Variants in PAICS observed in about 807,000 individuals in gnomAD.
The protein encoded by PAICS is phosphoribosylaminoimidazole carboxylase and phosphoribosylaminoimidazolesuccinocarboxamide synthase.
In PAICS, 33 loss-of-function variants were observed where a neutral mutation model predicts 53.7. That is an observed-to-expected ratio of 0.61 (90% confidence interval 0.47 to 0.82). The LOEUF (loss-of-function observed/expected upper bound fraction) is 0.82. Ranked by LOEUF, PAICS falls within the 40% of genes least tolerant of loss-of-function variation. The pLI, the probability that PAICS is intolerant of heterozygous loss-of-function variation, is 0.00. For synonymous variants in PAICS, 141 were observed against 167.2 expected (o/e 0.84, Z 1.21); for missense variants, 394 against 494.1 (o/e 0.80, Z 1.92).
At chr4:56,434,166 A>G (rs1224766665), upstream of PAICS, among the ~76,000 whole-genome samples, 1 of 152,246 alleles carries the variant, frequency 6.6e-6, no homozygotes, top group Non-Finnish European at 1.5e-5. Context: ...AGTTAAAAAT[A>G]TTCTTTTTGA....
At chr4:56,427,325 T>C in the PAICS span, among the ~76,000 whole-genome samples, 26 of 152,220 alleles carry the variant, frequency 1.7e-4, no homozygotes, top group Non-Finnish European at 2.8e-4. Context: ...AGCATGTATA[T>C]GTTTTTATGT....
In PAICS at chr4:56,450,642, A is replaced by G. The variant is rs1200527299; in HGVS notation, c.711A>G (p.Val237=). The G allele has an allele frequency of 1.3e-6, 2 of 1,541,044 alleles. No individual in the cohort carries two copies. Among genetic ancestry groups the G allele is most frequent in the South Asian group, 2.4e-5 (2 of 84,138 alleles). Residue 237 remains valine (V), a synonymous_variant, in exon 6 of 9, where the codon GTA becomes GTG. Coordinates refer to ENST00000512576, the MANE Select transcript of PAICS (RefSeq NM_001079524.2). ...DKQSYRDLKE[V]TPEGLQMVKK... ...AGTCTTATCGGGACCTCAAAGAAGTAACTCCTGAAGGGCTCCAAATGGTAA... is the reference window on the plus strand; with the variant it reads ...AGTCTTATCGGGACCTCAAAGAAGTGACTCCTGAAGGGCTCCAAATGGTAA...
chr4:56,433,102 A>G (rs771708863), upstream of PAICS, among the ~76,000 whole-genome samples: 1 of 151,764 alleles, frequency 6.6e-6, no homozygotes, highest in South Asian at 2.1e-4. Flanking sequence ...CCAAGACATA[A>G]GGGAGTGTCA....
chr4:56,424,763 T>C, the PAICS span, among the ~76,000 whole-genome samples: 1 of 152,250 alleles, frequency 6.6e-6, no homozygotes, highest in Non-Finnish European at 1.5e-5. Flanking sequence ...CTGTCTCTTC[T>C]GAGTAGGAGA....
chr4:56,448,458 T>C lies in PAICS; in HGVS notation c.434T>C (p.Leu145Pro), dbSNP rs1410413606. 6.2e-7 allele frequency: 1 copy of C among 1,611,686 alleles called. No homozygotes were observed. Among genetic ancestry groups the C allele is most frequent in the Non-Finnish European group, 8.5e-7 (1 of 1,178,278 alleles). Residue 145 changes from leucine (L) to proline (P), a missense_variant, in exon 4 of 9, where the codon CTG becomes CCG. Transcript: ENST00000512576. ...GACCCACAGTGGTCTGAGGAACAGC[T>C]GATTGCTGCAAAATTTTGCTTTGCT... ...NNDPQWSEEQ[L>P]IAAKFCFAGL...
the PAICS span, chr4:56,421,737 C>T: frequency 6.6e-6 from 1 of 152,170 alleles, no homozygotes; most frequent in Non-Finnish European, 1.5e-5. Context: ...TATACATCTC[C>T]CCCAGTTAGA....
At chr4:56,454,971 A>C (rs1007948902) in intron 8 of PAICS, among the ~76,000 whole-genome samples, 8 of 152,248 alleles carry the variant, frequency 5.3e-5, no homozygotes, top group South Asian at 2.1e-4. Context: ...CTGCCTGGCC[A>C]ATATGGTGAA....
At chr4:56,411,406 T>C in the PAICS span, among the ~76,000 whole-genome samples, 2 of 152,176 alleles carry the variant, frequency 1.3e-5, no homozygotes, top group Admixed American at 1.3e-4. Flanking sequence ...CAAGAACAGC[T>C]CCATTTTAAC....
At chr4:56,452,271 C>T (rs535563175) in intron 7 of PAICS, among the ~76,000 whole-genome samples, 8 of 152,236 alleles carry the variant, frequency 5.3e-5, no homozygotes, top group East Asian at 1.9e-4. Flanking sequence ...CTCCACCTCC[C>T]GGGTTCACAC....
chr4:56,417,514 A>AGG, the PAICS span, among the ~76,000 whole-genome samples: 1 of 152,168 alleles, frequency 6.6e-6, no homozygotes, highest in African/African-American at 2.4e-5. Flanking sequence ...AGGCACAGTG[A>AGG]CTCACACCTG....
At chr4:56,415,926 C>T in the PAICS span, among the ~76,000 whole-genome samples, 2 of 151,934 alleles carry the variant, frequency 1.3e-5, no homozygotes, top group African/African-American at 2.4e-5. Flanking sequence ...AAAAATTAGC[C>T]GGGCGTGGTG....
the PAICS span, among the ~76,000 whole-genome samples, chr4:56,424,465 T>A: frequency 6.6e-6 from 1 of 152,078 alleles, no homozygotes; most frequent in Non-Finnish European, 1.5e-5. Context: ...GGAAGAAAAA[T>A]TTGCTAATGC....
chr4:56,436,540 G>T (rs957908559), intron 1 of PAICS: 1 of 709,792 alleles, frequency 1.4e-6, no homozygotes, highest in Non-Finnish European at 2.6e-6. Context: ...AGGAGAACGA[G>T]AAATGGCCAA....
At chr4:56,422,741 ATTATG>A in the PAICS span, 11 of 152,190 alleles carry the variant, frequency 7.2e-5, no homozygotes, top group African/African-American at 1.9e-4. Flanking sequence ...TACCTAAGAA[ATTATG>A]TTATAACATT....
At chr4:56,438,376 T>TATATATATATATATATATATATATATAA (rs1560656304) in intron 1 of PAICS, among the ~76,000 whole-genome samples, 1 of 60,050 alleles carries the variant, frequency 1.7e-5, no homozygotes, top group Non-Finnish European at 2.8e-5. Context: ...TGTGTTTATA[T>TATATATATATATATATATATATATATAA]ATATATATAT....
At chr4:56,443,701 T>C (rs1440076021) in intron 2 of PAICS, among the ~76,000 whole-genome samples, 2 of 152,224 alleles carry the variant, frequency 1.3e-5, no homozygotes, top group African/African-American at 4.8e-5. Context: ...TGAGTGTATT[T>C]ACACTCATCC....
intron 1 of PAICS, among the ~76,000 whole-genome samples, chr4:56,439,749 C>T (rs1718243317): frequency 6.6e-6 from 1 of 152,054 alleles, no homozygotes; most frequent in African/African-American, 2.4e-5. Context: ...TCGACCTCCC[C>T]AAGTAGCTGA....
upstream of PAICS, chr4:56,435,306 G>A: frequency 6.2e-7 from 1 of 1,610,070 alleles, no homozygotes; most frequent in South Asian, 1.1e-5. Context: ...GCGGCTCCGA[G>A]AGATGGAGAC....
At chr4:56,444,246 TAAG>T (rs1314934811) in intron 2 of PAICS, among the ~76,000 whole-genome samples, 4 of 152,308 alleles carry the variant, frequency 2.6e-5, no homozygotes, top group East Asian at 1.9e-4. Context: ...ACTATATAAA[TAAG>T]AAGTAATCTT....
Sources: allele counts gnomAD v4.1 joint callset (sites outside exome capture counted in the v4.1 genomes callset), GRCh38; gene constraint gnomAD v4.1.1; transcripts MANE v1.5; gene names NCBI Gene and HGNC (gene_info 2026-07-23, HGNC 2026-07-21).